TBC1D9B: variants seen among roughly 807,000 people sequenced by gnomAD.
The protein encoded by TBC1D9B is TBC1 domain family, member 9B (with GRAM domain).
In TBC1D9B, 87 loss-of-function variants were observed where a neutral mutation model predicts 121.1. The observed-to-expected ratio is 0.72, with a 90% confidence interval of 0.60 to 0.86. The LOEUF is 0.86. TBC1D9B is among the 40% of genes least tolerant of loss of function. The probability of loss-of-function intolerance (pLI) is 0.00; values close to 1 mark genes in which losing one functional copy is unlikely to be tolerated. For synonymous variants in TBC1D9B, 668 were observed against 670.1 expected, an observed-to-expected ratio of 1.00 and a Z score of 0.05; for missense variants, 1,540 against 1,628.6, an observed-to-expected ratio of 0.95 and a Z score of 0.94.
chr5:179,906,815 C>T (rs1761331720), intron 1 of TBC1D9B, among the ~76,000 whole-genome samples: 1 of 152,250 alleles, frequency 6.6e-6, no homozygotes, highest in Admixed American at 6.5e-5. Flanking sequence ...ACAGAAAATG[C>T]TCTTGATAAA....
chr5:179,869,670 C>T (rs1370813559), intron 17 of TBC1D9B, 99 bp downstream of exon 17: 4 of 1,326,420 alleles, frequency 3.0e-6, no homozygotes, highest in Non-Finnish European at 4.3e-6. Context: ...GCTGCTGTGC[C>T]CCCTCGAGGC....
intron 18 of TBC1D9B, 127 bp downstream of exon 18, chr5:179,867,651 G>A: frequency 6.6e-7 from 1 of 1,511,710 alleles, no homozygotes. Flanking sequence ...GTCCCCTGGG[G>A]AGAACCCCAT....
intron 2 of TBC1D9B, among the ~76,000 whole-genome samples, chr5:179,901,472 T>C (rs551066590): frequency 6.6e-6 from 1 of 152,344 alleles, no homozygotes; most frequent in East Asian, 1.9e-4. Context: ...CCTGTGTGGA[T>C]GTGTCAGCAC....
At chr5:179,868,970 A>G (rs1760103898) in intron 17 of TBC1D9B, 1 of 153,194 alleles carries the variant, frequency 6.5e-6, no homozygotes, top group African/African-American at 2.4e-5. Context: ...CTATGTCAAG[A>G]GCCTTCAGCT....
At chr5:179,893,185 C>G (rs1302837866) in intron 5 of TBC1D9B, 24 bp downstream of exon 5, 2 of 1,583,928 alleles carry the variant, frequency 1.3e-6, no homozygotes, top group South Asian at 2.3e-5. Context: ...CATGAGCCCA[C>G]CCCAGCCCTG....
At position 179,881,946 on chromosome 5, in the gene TBC1D9B, G is replaced by GTT. The variant is rs796278508; in HGVS notation, c.1255-2159_1255-2158dup. On this transcript the variant is annotated intron_variant, in intron 7 of 20. Coordinates refer to ENST00000355235, the MANE Select transcript of TBC1D9B (RefSeq NM_015043.4). ...TTCCATATCTTTCCATATACCTTCC[G>GTT]TTTTTTTTTTTTTTTTGAGATGGAG... is the stretch of plus-strand genomic sequence containing the variant. 4.2e-3 allele frequency among the ~76,000 whole-genome samples: 538 copies of GTT among 128,252 alleles called. 31 individuals carry two copies. Among genetic ancestry groups the GTT allele is most frequent in the African/African-American group, 0.016 (477 of 29,958 alleles). The allele number at this position is 128,252 out of a possible 152,430, so 84.1% of individuals were successfully genotyped here. A position where few individuals can be genotyped will look rare whatever the true frequency, so the allele number is the denominator to read the frequency against.
At chr5:179,872,860 C>CCCCCCCCCCCCCCCCCCCGGGGG in intron 14 of TBC1D9B, 32 bp downstream of exon 14, 1 of 1,530,632 alleles carries the variant, frequency 6.5e-7, no homozygotes, top group Non-Finnish European at 9.0e-7. Flanking sequence ...CCCCCCAGCC[C>CCCCCCCCCCCCCCCCCCCGGGGG]AGCCCCTGCC....
In TBC1D9B at chr5:179,907,019, C is replaced by T. The variant is rs548141500; in HGVS notation, c.118+685G>A. 6.6e-6 allele frequency among the ~76,000 whole-genome samples: 1 copy of T among 152,274 alleles called. No individual in the cohort carries two copies. The highest frequency in any genetic ancestry group is 6.5e-5 in the Admixed American group (1 of 15,304). On this transcript the variant is annotated intron_variant, in intron 1 of 20. Transcript: ENST00000355235. This position sits in a 1 kb window ranked among gnomAD's most constrained non-coding sequence, Gnocchi z 5.3. ...CCCCTGGATCCCACAGGCCGCACGA[C>T]TCCAAGGGTGCCTGTCCAGCTTCAT... is the stretch of plus-strand genomic sequence containing the variant.
At position 179,891,691 on chromosome 5, in the gene TBC1D9B, T is replaced by A; in HGVS notation, c.837-105A>T. The A allele has an allele frequency of 7.7e-7, 1 of 1,301,180 alleles. No individual in the cohort carries two copies. Among genetic ancestry groups the A allele is most frequent in the Non-Finnish European group, 1.1e-6 (1 of 936,028 alleles). 80.6% of individuals were successfully genotyped at this position (1,301,180 alleles called of 1,614,324 possible). On this transcript the variant is annotated intron_variant, in intron 5 of 20. Coordinates refer to ENST00000355235, the MANE Select transcript of TBC1D9B (RefSeq NM_015043.4). The surrounding 1 kb of genome is among the most constrained non-coding windows in gnomAD (Gnocchi z 4.3). ...CCCCAGGCCTGTTTCCACATCAGAT[T>A]CAGGATCCCTGGGGTGGTCCCTTGA...
At position 179,907,685 on chromosome 5, in the gene TBC1D9B, C is replaced by T; in HGVS notation, c.118+19G>A. 9.3e-7 allele frequency: 1 copy of T among 1,070,788 alleles called. No homozygotes were observed. Among genetic ancestry groups the T allele is most frequent in the Non-Finnish European group, 1.1e-6 (1 of 873,276 alleles). 66.3% of individuals were successfully genotyped at this position (1,070,788 alleles called of 1,614,324 possible). A position where few individuals can be genotyped will look rare whatever the true frequency, so the allele number is the denominator to read the frequency against. ...CCAGCCGCGGCGCCCACAGGCCCGG[C>T]CGCCCGCGCGCCTCTCACCCGTAAG... On this transcript the variant is annotated intron_variant, in intron 1 of 20. Coordinates refer to ENST00000355235, the MANE Select transcript of TBC1D9B (RefSeq NM_015043.4). This position sits in a 1 kb window ranked among gnomAD's most constrained non-coding sequence, Gnocchi z 5.3.
intron 7 of TBC1D9B, among the ~76,000 whole-genome samples, chr5:179,882,727 G>A (rs929559055): frequency 2.4e-4 from 36 of 152,072 alleles, no homozygotes; most frequent in African/African-American, 3.1e-4. Context: ...GCACATACAC[G>A]TAGTCCCAGC....
At chr5:179,888,635 C>T (rs1005038644) in intron 6 of TBC1D9B, among the ~76,000 whole-genome samples, 1 of 152,122 alleles carries the variant, frequency 6.6e-6, no homozygotes, top group South Asian at 2.1e-4. Context: ...GCAAGCAGTC[C>T]CTTGCTTGCA....
chr5:179,869,425 A>G, intron 17 of TBC1D9B: 1 of 439,364 alleles, frequency 2.3e-6, no homozygotes, highest in Middle Eastern at 3.4e-4. Flanking sequence ...CCCTTAAGAA[A>G]CTTGACAGAT....
rs1272531511 is a variant in TBC1D9B, at chr5:179,870,251, T to A, written c.2725+4A>T. 1.2e-6 allele frequency: 2 copies of A among 1,613,798 alleles called. No homozygotes were observed. Among genetic ancestry groups the A allele is most frequent in the Admixed American group, 3.3e-5 (2 of 60,014 alleles). Reference sequence around the variant, plus strand: ...AGCCCCTGGTAGGCCCTGCAGGCACTCACTCATCCCTGTCACGAACTCCTT... The same window carrying A: ...AGCCCCTGGTAGGCCCTGCAGGCACACACTCATCCCTGTCACGAACTCCTT... On this transcript the variant is annotated splice_donor_region_variant and intron_variant, in intron 16 of 20. Transcript: ENST00000355235.
At position 179,899,252 on chromosome 5, in the gene TBC1D9B, G is replaced by A. The variant is rs764060102; in HGVS notation, c.285C>T (p.Leu95=). Residue 95 remains leucine, a synonymous_variant, in exon 3 of 21, where the codon CTC becomes CTT. Coordinates refer to ENST00000355235, the MANE Select transcript of TBC1D9B (RefSeq NM_015043.4). ...CACTGTCGAAGATGGACAGTGTCTGGAGCAAGTTATTTTCCAGCCATTCCC... is the reference window on the plus strand; with the variant it reads ...CACTGTCGAAGATGGACAGTGTCTGAAGCAAGTTATTTTCCAGCCATTCCC... ...KHWEWLENNL[L]QTLSIFDSEE... 1.9e-5 allele frequency: 30 copies of A among 1,614,030 alleles called. No individual in the cohort carries two copies. In the South Asian group the frequency reaches 3.3e-4, roughly 18 times the overall value.
chr5:179,895,967 AG>A (rs1413755942), intron 3 of TBC1D9B, among the ~76,000 whole-genome samples: 1 of 152,256 alleles, frequency 6.6e-6, no homozygotes, highest in East Asian at 1.9e-4. Flanking sequence ...TCTGCCTAAA[AG>A]CTGGATATAC....
chr5:179,875,279 C>T lies in TBC1D9B; in HGVS notation c.1901-92G>A. ...GCGTACGAGCCCTGGCCACTCCAGC[C>T]CTGCCAGCTGTGCAGTGAGGGCTGA... On this transcript the variant is annotated intron_variant, in intron 11 of 20. Transcript: ENST00000355235. The surrounding 1 kb of genome is among the most constrained non-coding windows in gnomAD (Gnocchi z 4.5). 1 of 1,478,666 alleles carries T rather than the reference C, an allele frequency of 6.8e-7. No individual in the cohort carries two copies. Among genetic ancestry groups the T allele is most frequent in the Non-Finnish European group, 9.0e-7 (1 of 1,108,716 alleles). The allele number at this position is 1,478,666 out of a possible 1,614,324, so 91.6% of individuals were successfully genotyped here.
At chr5:179,889,722 A>G (rs574492433) in intron 6 of TBC1D9B, among the ~76,000 whole-genome samples, 1 of 152,060 alleles carries the variant, frequency 6.6e-6, no homozygotes, top group Admixed American at 6.6e-5. Flanking sequence ...AAATTTAAAA[A>G]AAACAGCTAG....
intron 17 of TBC1D9B, chr5:179,869,521 G>C (rs1249588461): frequency 7.5e-6 from 5 of 663,596 alleles, no homozygotes; most frequent in Non-Finnish European, 1.4e-5. Flanking sequence ...CTCGGTGGGA[G>C]TTCTGTACCC....
Sources: allele counts gnomAD v4.1 joint callset (sites outside exome capture counted in the v4.1 genomes callset), GRCh38; gene constraint gnomAD v4.1.1; non-coding constraint Gnocchi (gnomAD v3.1); transcripts MANE v1.5; gene names NCBI Gene and HGNC (gene_info 2026-07-23, HGNC 2026-07-21).